The following BRINP1 variants were observed in gnomAD, a reference collection of about 807,000 sequenced individuals.
The protein encoded by BRINP1 is BMP/retinoic acid-inducible neural-specific protein 1.
BRINP1 carries 17 observed loss-of-function variants against 72.9 expected under a neutral mutation model. That is an observed-to-expected ratio of 0.23 (90% CI 0.16 to 0.35). The LOEUF (loss-of-function observed/expected upper bound fraction) is 0.35. Ranked by LOEUF, BRINP1 falls within the 10% of genes least tolerant of loss-of-function variation. The pLI is 1.00. For missense variants in BRINP1, 850 were observed against 1,001.6 expected (o/e 0.85, Z 2.04); for synonymous variants, 418 against 378.5 (o/e 1.10, Z -1.21).
intron 5 of BRINP1, among the ~76,000 whole-genome samples, chr9:119,231,864 A>T (rs929294374): frequency 1.5e-4 from 23 of 151,382 alleles, no homozygotes; most frequent in Admixed American, 6.6e-5. Flanking sequence ...CAATAACTGA[A>T]TTTTTTTTTC....
At chr9:119,353,606 G>A (rs1452185127) in intron 1 of BRINP1, among the ~76,000 whole-genome samples, 1 of 152,018 alleles carries the variant, frequency 6.6e-6, no homozygotes, top group Non-Finnish European at 1.5e-5. Context: ...CTGTTGCTTA[G>A]AGAGGAGGCC....
chr9:119,234,104 C>T (rs1489423504), intron 5 of BRINP1, among the ~76,000 whole-genome samples: 1 of 152,064 alleles, frequency 6.6e-6, no homozygotes, highest in Admixed American at 6.6e-5. Flanking sequence ...TTGCTGTGAA[C>T]ATTTATGTCT....
intron 2 of BRINP1, among the ~76,000 whole-genome samples, chr9:119,274,598 T>C (rs1406889753): frequency 4.6e-5 from 7 of 152,208 alleles, no homozygotes; most frequent in Non-Finnish European, 1.0e-4. Context: ...AAAGTCTCTC[T>C]AACTTGCTGT....
intron 1 of BRINP1, among the ~76,000 whole-genome samples, chr9:119,337,157 A>G (rs1831354806): frequency 6.6e-6 from 1 of 152,222 alleles, no homozygotes; most frequent in Non-Finnish European, 1.5e-5. Flanking sequence ...ATGAGAAAAT[A>G]AACAGCCCCT....
Position 119,238,773 on chromosome 9 carries a change from T to G in BRINP1, c.580-13A>C. On this transcript the variant is annotated splice_polypyrimidine_tract_variant and intron_variant, in intron 4 of 7. Transcript: ENST00000265922. ...GTGTCTCTGTGACCTGCAGTAGATA[T>G]CAAATAAGATAGGTGTGAGACAGCA... is the stretch of plus-strand genomic sequence containing the variant. 6.5e-7 allele frequency: 1 copy of G among 1,530,168 alleles called. No individual in the cohort carries two copies. Among genetic ancestry groups the G allele is most frequent in the South Asian group, 1.1e-5 (1 of 87,594 alleles). The allele number at this position is 1,530,168 out of a possible 1,614,324, so 94.8% of individuals were successfully genotyped here.
intron 7 of BRINP1, among the ~76,000 whole-genome samples, chr9:119,171,527 A>T (rs1322209948): frequency 6.6e-6 from 1 of 150,964 alleles, no homozygotes; most frequent in Non-Finnish European, 1.5e-5. Flanking sequence ...CCACCCATTA[A>T]TAATGGGAGA....
At chr9:119,325,932 T>G (rs1292008371) in intron 1 of BRINP1, among the ~76,000 whole-genome samples, 1 of 152,178 alleles carries the variant, frequency 6.6e-6, no homozygotes, top group Non-Finnish European at 1.5e-5. Context: ...AGTGCCTTGT[T>G]TAGACTGTTC....
chr9:119,210,951 C>G (rs1829918738), intron 6 of BRINP1, among the ~76,000 whole-genome samples: 1 of 152,176 alleles, frequency 6.6e-6, no homozygotes, highest in Non-Finnish European at 1.5e-5. Context: ...ACACAAGACT[C>G]TACACTGATT....
At chr9:119,290,024 A>C (rs1830806458) in intron 2 of BRINP1, among the ~76,000 whole-genome samples, 1 of 152,244 alleles carries the variant, frequency 6.6e-6, no homozygotes, top group Admixed American at 6.5e-5. Context: ...GAACTGGTCA[A>C]GTCTGCAGGA....
At chr9:119,202,326 GCCCATT>G (rs916667445) in intron 7 of BRINP1, among the ~76,000 whole-genome samples, 9 of 152,174 alleles carry the variant, frequency 5.9e-5, no homozygotes, top group East Asian at 3.9e-4. Flanking sequence ...CCTGAACTTA[GCCCATT>G]CCCATTCCCA....
chr9:119,261,570 C>A (rs1170432826), intron 2 of BRINP1, among the ~76,000 whole-genome samples: 2 of 152,134 alleles, frequency 1.3e-5, no homozygotes, highest in African/African-American at 2.4e-5. Flanking sequence ...TGGTTTCTCT[C>A]CATCAAATTG....
intron 1 of BRINP1, among the ~76,000 whole-genome samples, chr9:119,340,247 T>G (rs1003943760): frequency 1.3e-5 from 2 of 152,186 alleles, no homozygotes; most frequent in African/African-American, 2.4e-5. Context: ...AAAGAATAGT[T>G]AAAATGAGTG....
At chr9:119,300,725 A>T (rs752838034) in intron 2 of BRINP1, among the ~76,000 whole-genome samples, 43 of 152,106 alleles carry the variant, frequency 2.8e-4, no homozygotes, top group Admixed American at 7.2e-4. Context: ...TCACTTCTCA[A>T]CTCACTACAC....
chr9:119,339,483 T>G (rs1277694369), intron 1 of BRINP1, among the ~76,000 whole-genome samples: 1 of 152,236 alleles, frequency 6.6e-6, no homozygotes, highest in Non-Finnish European at 1.5e-5. Context: ...CAACCGTATA[T>G]CATCAATTCC....
intron 7 of BRINP1, among the ~76,000 whole-genome samples, chr9:119,198,040 G>T (rs1380339467): frequency 1.3e-5 from 2 of 152,104 alleles, no homozygotes; most frequent in Non-Finnish European, 2.9e-5. Context: ...ATAAACCGAG[G>T]TTTGAAATGT....
In BRINP1 at chr9:119,208,821, G is replaced by T. The variant is rs146090791; in HGVS notation, c.1043C>A (p.Ala348Asp). The T allele has an allele frequency of 6.2e-7, 1 of 1,614,160 alleles. No homozygotes were observed. The highest frequency in any genetic ancestry group is 8.5e-7 in the Non-Finnish European group (1 of 1,180,018). The change falls in exon 7 of 8, where the codon GCC becomes GAC. Residue 348 changes from alanine to aspartate, a missense_variant. By Grantham distance (126) the Ala-to-Asp change is moderately radical. Transcript: ENST00000265922. ...GATCTTTTGTCTCTGTGCCTCCGTG[G>T]CACTCTGCAGGAGCTTGTAGCGGTT... ...LQNRYKLLQS[A>D]TEAQRQKIQR...
At chr9:119,307,920 A>T (rs1451117285) in intron 2 of BRINP1, among the ~76,000 whole-genome samples, 1 of 152,180 alleles carries the variant, frequency 6.6e-6, no homozygotes, top group Non-Finnish European at 1.5e-5. Context: ...AGCCTCTAGA[A>T]TCACACATGC....
At chr9:119,365,636 T>C (rs1226075786) in intron 1 of BRINP1, among the ~76,000 whole-genome samples, 2 of 152,214 alleles carry the variant, frequency 1.3e-5, no homozygotes, top group Non-Finnish European at 1.5e-5. Flanking sequence ...GAGGACTTTA[T>C]GATCCATAAC....
At chr9:119,343,051 G>C (rs1831420024) in intron 1 of BRINP1, among the ~76,000 whole-genome samples, 1 of 152,200 alleles carries the variant, frequency 6.6e-6, no homozygotes, top group Admixed American at 6.5e-5. Context: ...AAAGCCGTTA[G>C]CAGAGTGCCT....
Sources: allele counts gnomAD v4.1 joint callset (sites outside exome capture counted in the v4.1 genomes callset), GRCh38; gene constraint gnomAD v4.1.1; transcripts MANE v1.5; gene names NCBI Gene and HGNC (gene_info 2026-07-23, HGNC 2026-07-21).